Variants in STK3 observed in about 807,000 individuals in gnomAD.
STK3 encodes the protein serine/threonine kinase 3.
STK3 carries 41 observed loss-of-function variants against 58.0 expected under a neutral mutation model. That is an observed-to-expected ratio of 0.71 (90% CI 0.55 to 0.92). STK3 has a LOEUF of 0.92. Ranked by LOEUF, STK3 falls within the 40% of genes least tolerant of loss-of-function variation. The pLI is 0.00. For synonymous variants in STK3, 170 were observed against 191.0 expected, an observed-to-expected ratio of 0.89 and a Z score of 0.91; for missense variants, 479 against 602.7, an observed-to-expected ratio of 0.79 and a Z score of 2.15.
intron 1 of STK3, among the ~76,000 whole-genome samples, chr8:98,903,260 T>G (rs1197826437): frequency 6.6e-6 from 1 of 152,248 alleles, no homozygotes; most frequent in Non-Finnish European, 1.5e-5. Context: ...TATGAGCAAC[T>G]TTGACTATTA....
intron 1 of STK3, among the ~76,000 whole-genome samples, chr8:98,929,413 T>G (rs1214735485): frequency 6.6e-6 from 1 of 152,226 alleles, no homozygotes; most frequent in Non-Finnish European, 1.5e-5. Context: ...ATCCCAGCAC[T>G]TTGGGAGGCC....
Position 98,404,885 on chromosome 8 carries a change from G to C in STK3, n.484-3372C>G, listed in dbSNP as rs545233253. Among the ~76,000 whole-genome samples the C allele has an allele frequency of 2.0e-5, 3 of 152,056 alleles. No homozygotes were observed. The South Asian group carries it at 6.3e-4, about 32-fold the overall frequency. ...TCAATAAAATAAAACTTGACTGTAG[G>C]TTACCATTCTGCTTAACAATAAGCT... On this transcript the variant is annotated intron_variant and non_coding_transcript_variant, in intron 3 of 3. Transcript: ENST00000517832.
At chr8:98,780,059 C>A (rs1387372729) in intron 1 of STK3, among the ~76,000 whole-genome samples, 1 of 151,784 alleles carries the variant, frequency 6.6e-6, no homozygotes, top group Non-Finnish European at 1.5e-5. Context: ...AGTATATAAT[C>A]ATGTAATAAT....
chr8:98,730,669 T>C (rs1301805585), intron 4 of STK3, among the ~76,000 whole-genome samples: 2 of 128,284 alleles, frequency 1.6e-5, no homozygotes, highest in African/African-American at 3.1e-5. Flanking sequence ...TGGGCCAAGA[T>C]AGTGCCACTG....
At chr8:98,561,520 C>G (rs1029528440) in intron 8 of STK3, among the ~76,000 whole-genome samples, 6 of 151,956 alleles carry the variant, frequency 3.9e-5, no homozygotes, top group African/African-American at 1.4e-4. Flanking sequence ...CTAAACACTT[C>G]AGCTGGGCAT....
At chr8:98,923,074 T>C (rs1839633167) in intron 1 of STK3, among the ~76,000 whole-genome samples, 1 of 152,212 alleles carries the variant, frequency 6.6e-6, no homozygotes, top group African/African-American at 2.4e-5. Flanking sequence ...ATGTTTGATG[T>C]TTGAAACTTT....
chr8:98,459,719 T>C (rs1819795022), intron 10 of STK3, among the ~76,000 whole-genome samples: 1 of 152,230 alleles, frequency 6.6e-6, no homozygotes, highest in African/African-American at 2.4e-5. Context: ...GTTCCAGTCA[T>C]GGCTAAAAGG....
At chr8:98,813,693 A>G (rs1834364108) in intron 1 of STK3, among the ~76,000 whole-genome samples, 1 of 152,210 alleles carries the variant, frequency 6.6e-6, no homozygotes, top group Non-Finnish European at 1.5e-5. Context: ...CTGGAAAGTG[A>G]TATGATTTCT....
At chr8:98,417,177 G>A (rs180677994) in intron 3 of STK3, among the ~76,000 whole-genome samples, 9 of 152,284 alleles carry the variant, frequency 5.9e-5, no homozygotes, top group Admixed American at 3.9e-4. Context: ...TCCCAGGGGT[G>A]GGGGAGTGGA....
chr8:98,561,278 G>A (rs1812010020), intron 8 of STK3, among the ~76,000 whole-genome samples: 1 of 151,188 alleles, frequency 6.6e-6, no homozygotes, highest in Non-Finnish European at 1.5e-5. Context: ...ATCAAATGGT[G>A]CTAGAACAAC....
intron 4 of STK3, among the ~76,000 whole-genome samples, chr8:98,714,823 A>G (rs1157566020): frequency 1.3e-5 from 2 of 152,242 alleles, no homozygotes; most frequent in African/African-American, 2.4e-5. Flanking sequence ...CCGCACTGCC[A>G]AGTCAATCCT....
At chr8:98,739,142 T>C (rs1828940766) in intron 4 of STK3, among the ~76,000 whole-genome samples, 2 of 152,244 alleles carry the variant, frequency 1.3e-5, no homozygotes, top group African/African-American at 2.4e-5. Context: ...CCTGCCTCTG[T>C]AGGCTCCACC....
At chr8:98,445,140 T>C (rs1342389818) in intron 1 of STK3, among the ~76,000 whole-genome samples, 3 of 152,210 alleles carry the variant, frequency 2.0e-5, no homozygotes, top group African/African-American at 7.2e-5. Flanking sequence ...ATATTCAGAG[T>C]TCTGCAACCA....
At chr8:98,908,831 G>A (rs1564097351) in intron 1 of STK3, among the ~76,000 whole-genome samples, 3 of 130,260 alleles carry the variant, frequency 2.3e-5, no homozygotes, top group Admixed American at 8.5e-5. Context: ...GGACAAGAGA[G>A]AGACTTCTTC....
At chr8:98,722,442 G>C (rs1202718256) in intron 4 of STK3, among the ~76,000 whole-genome samples, 1 of 152,166 alleles carries the variant, frequency 6.6e-6, no homozygotes, top group African/African-American at 2.4e-5. Flanking sequence ...AAAAGGAGGA[G>C]AGTGGAAGGA....
At chr8:98,939,821 GGCCAGTCCC>G in intron 1 of STK3, among the ~76,000 whole-genome samples, 1 of 152,332 alleles carries the variant, frequency 6.6e-6, no homozygotes, top group East Asian at 1.9e-4. Context: ...ACGACAGCCG[GGCCAGTCCC>G]GCCCTGGGCG....
At chr8:98,826,060 T>A (rs1199778135), upstream of STK3, among the ~76,000 whole-genome samples, 1 of 151,950 alleles carries the variant, frequency 6.6e-6, no homozygotes, top group Non-Finnish European at 1.5e-5. Flanking sequence ...AGGAGAAGGT[T>A]CCGCTAGAGC....
intron 6 of STK3, chr8:98,651,643 T>C (rs1310760257): frequency 6.6e-6 from 1 of 152,116 alleles, no homozygotes; most frequent in African/African-American, 2.4e-5. Context: ...GAGAAGTGCT[T>C]AAAGGAGCTG....
chr8:98,672,201 C>A (rs968333213), intron 6 of STK3, among the ~76,000 whole-genome samples: 1 of 151,996 alleles, frequency 6.6e-6, no homozygotes, highest in Non-Finnish European at 1.5e-5. Flanking sequence ...CCAACCTCAG[C>A]CTCCCAAATA....
Sources: gnomAD v4.1 joint callset for allele counts (sites outside exome capture counted in the v4.1 genomes callset) on GRCh38, gnomAD v4.1.1 for gene constraint, MANE v1.5 for transcripts, NCBI Gene and HGNC (gene_info 2026-07-23, HGNC 2026-07-21) for gene names.